NXPE2: variants seen among roughly 807,000 people sequenced by gnomAD.
NXPE2 encodes the protein NXPE family member 2.
A neutral mutation model predicts 34.4 loss-of-function variants in NXPE2; 34 were observed. The observed-to-expected ratio is 0.99, with a 90% CI of 0.75 to 1.31. The LOEUF (loss-of-function observed/expected upper bound fraction) is 1.31. Ranked by LOEUF, NXPE2 falls within the 40% of genes most tolerant of loss-of-function variation. NXPE2 has a pLI of 0.00. For synonymous variants in NXPE2, 235 were observed against 231.3 expected, an observed-to-expected ratio of 1.02 and a Z score of -0.15; for missense variants, 649 against 672.5, an observed-to-expected ratio of 0.97 and a Z score of 0.39.
chr11:114,749,679 A>G, the NXPE2 span, among the ~76,000 whole-genome samples: 1 of 152,042 alleles, frequency 6.6e-6, no homozygotes, highest in African/African-American at 2.4e-5. Flanking sequence ...TTATTTCATC[A>G]ATCCCCAGTA....
At chr11:114,598,733 T>G in the NXPE2 span, among the ~76,000 whole-genome samples, 1 of 152,032 alleles carries the variant, frequency 6.6e-6, no homozygotes, top group South Asian at 2.1e-4. Context: ...CTGTGCAGGG[T>G]GACAGGGCCC....
the NXPE2 span, among the ~76,000 whole-genome samples, chr11:114,601,789 G>A: frequency 0.67 from 43,257 of 64,096 alleles, 14,787 homozygotes; most frequent in Middle Eastern, 0.76. Flanking sequence ...TATATAACAT[G>A]TGATATATGA....
the NXPE2 span, among the ~76,000 whole-genome samples, chr11:114,617,023 T>A: frequency 6.8e-6 from 1 of 147,304 alleles, no homozygotes; most frequent in African/African-American, 2.7e-5. Flanking sequence ...AATAAGTATT[T>A]CCTCGTGGGT....
chr11:114,802,763 G>A, the NXPE2 span, among the ~76,000 whole-genome samples: 3 of 152,118 alleles, frequency 2.0e-5, no homozygotes, highest in African/African-American at 7.2e-5. Flanking sequence ...ACATGATGCC[G>A]TGGGGTTTTA....
At chr11:114,633,347 A>T in the NXPE2 span, among the ~76,000 whole-genome samples, 4 of 141,724 alleles carry the variant, frequency 2.8e-5, no homozygotes, top group African/African-American at 7.7e-5. Context: ...TTATTATATG[A>T]TTATATTATA....
At chr11:114,560,730 G>A in the NXPE2 span, among the ~76,000 whole-genome samples, 1 of 152,180 alleles carries the variant, frequency 6.6e-6, no homozygotes, top group Non-Finnish European at 1.5e-5. Flanking sequence ...CCAAATGCCT[G>A]TAACATGAAA....
chr11:114,678,209 T>C (rs1950879929), upstream of NXPE2, among the ~76,000 whole-genome samples: 1 of 152,134 alleles, frequency 6.6e-6, no homozygotes, highest in African/African-American at 2.4e-5. Flanking sequence ...TTCCTGCTAC[T>C]GTGGAGGTGA....
the NXPE2 span, among the ~76,000 whole-genome samples, chr11:114,526,878 A>G: frequency 6.6e-6 from 1 of 152,152 alleles, no homozygotes; most frequent in Admixed American, 6.5e-5. Context: ...GATTCCCTGT[A>G]TTATTATTTG....
At chr11:114,759,093 C>T in the NXPE2 span, among the ~76,000 whole-genome samples, 2 of 98,010 alleles carry the variant, frequency 2.0e-5, no homozygotes, top group African/African-American at 5.8e-5. Flanking sequence ...CGTACACATG[C>T]GCACACACAC....
At chr11:114,747,499 A>G in the NXPE2 span, among the ~76,000 whole-genome samples, 3 of 152,048 alleles carry the variant, frequency 2.0e-5, no homozygotes, top group South Asian at 6.2e-4. Context: ...TATGTAATTT[A>G]TAAAGAAAAG....
the NXPE2 span, among the ~76,000 whole-genome samples, chr11:114,477,743 C>T: frequency 2.0e-5 from 3 of 151,402 alleles, no homozygotes; most frequent in African/African-American, 7.3e-5. Flanking sequence ...ATATAAAATT[C>T]TAGAACATGA....
At chr11:114,703,279 A>G (rs1951400402) in intron 3 of NXPE2, among the ~76,000 whole-genome samples, 1 of 152,200 alleles carries the variant, frequency 6.6e-6, no homozygotes, top group African/African-American at 2.4e-5. Flanking sequence ...ACATAGGGGA[A>G]TAAAACAGGT....
In NXPE2 at chr11:114,707,055, A is replaced by G. The variant is rs1951492672; in HGVS notation, c.*125A>G. 6 of 679,560 alleles carry G rather than the reference A, an allele frequency of 8.8e-6. No individual in the cohort carries two copies. Among genetic ancestry groups the G allele is most frequent in the African/African-American group, 1.8e-5 (1 of 55,364 alleles). The allele number at this position is 679,560 out of a possible 1,614,324, so 42.1% of individuals were successfully genotyped here. ...TGAAAAAGTTCTATTAAAGTTAAATATATGTAACATAACATTTACCATTTA... is the reference window on the plus strand; with the variant it reads ...TGAAAAAGTTCTATTAAAGTTAAATGTATGTAACATAACATTTACCATTTA... On this transcript the variant is annotated 3_prime_UTR_variant, in exon 6 of 6. Transcript: ENST00000389586.
the NXPE2 span, among the ~76,000 whole-genome samples, chr11:114,611,721 G>A: frequency 6.6e-6 from 1 of 151,308 alleles, no homozygotes; most frequent in Non-Finnish European, 1.5e-5. Context: ...ATTGCCTTGT[G>A]GGTCACCATT....
In NXPE2 at chr11:114,698,111, T is replaced by C. The variant is rs2135559738; in HGVS notation, c.199T>C (p.Ser67Pro). The change falls in exon 3 of 6, where the codon TCT becomes CCT. Residue 67 changes from serine (S) to proline (P), a missense_variant. Transcript: ENST00000389586. ...GAACATCTTCAAAAAATATTCACAC[T>C]CTGAAACACCACTGTGTCCAGCAGT... ...QGNIFKKYSH[S>P]ETPLCPAVSP... 1 of 1,612,628 alleles carries C rather than the reference T, an allele frequency of 6.2e-7. No homozygotes were observed. The highest frequency in any genetic ancestry group is 8.5e-7 in the Non-Finnish European group (1 of 1,179,138).
the NXPE2 span, among the ~76,000 whole-genome samples, chr11:114,775,836 A>G: frequency 6.6e-6 from 1 of 152,000 alleles, no homozygotes; most frequent in African/African-American, 2.4e-5. Flanking sequence ...GCTAAGAGGT[A>G]AAACTCCAGC....
the NXPE2 span, among the ~76,000 whole-genome samples, chr11:114,492,064 A>G: frequency 6.6e-6 from 1 of 152,182 alleles, no homozygotes; most frequent in African/African-American, 2.4e-5. Context: ...ATGCTAAATG[A>G]TGAGTTAATG....
intron 2 of NXPE2, among the ~76,000 whole-genome samples, chr11:114,681,501 T>C (rs897672653): frequency 1.3e-5 from 2 of 152,200 alleles, no homozygotes; most frequent in Admixed American, 6.5e-5. Context: ...AAGACATCCT[T>C]GCACTGGCTG....
chr11:114,684,287 C>T (rs980079667), intron 2 of NXPE2, among the ~76,000 whole-genome samples: 26 of 151,826 alleles, frequency 1.7e-4, no homozygotes, highest in Admixed American at 4.6e-4. Flanking sequence ...ATTAGCTGGG[C>T]GTGGTGGTGG....
Sources: allele counts gnomAD v4.1 joint callset (sites outside exome capture counted in the v4.1 genomes callset), GRCh38; gene constraint gnomAD v4.1.1; transcripts MANE v1.5; gene names NCBI Gene and HGNC (gene_info 2026-07-23, HGNC 2026-07-21).